ASPRV1: variants seen among roughly 807,000 people sequenced by gnomAD.
ASPRV1 encodes aspartic peptidase retroviral like 1, also known as retroviral-like aspartic protease 1.
Under a neutral mutation model 11.0 loss-of-function variants are expected in ASPRV1, and 7 were observed. The observed-to-expected ratio is 0.64, with a 90% confidence interval of 0.36 to 1.20. The LOEUF (loss-of-function observed/expected upper bound fraction) is 1.20. Ranked by LOEUF, ASPRV1 falls within the 50% of genes most tolerant of loss-of-function variation. The probability of loss-of-function intolerance (pLI) is 0.02; values close to 1 mark genes in which losing one functional copy is unlikely to be tolerated. For synonymous variants in ASPRV1, 136 were observed against 138.4 expected (o/e 0.98, Z 0.12); for missense variants, 299 against 320.0 (o/e 0.93, Z 0.50).
At chr2:69,947,872 A>T in the ASPRV1 span, among the ~76,000 whole-genome samples, 17 of 152,242 alleles carry the variant, frequency 1.1e-4, no homozygotes, top group African/African-American at 3.9e-4. Flanking sequence ...TCCTTTGGGG[A>T]TATCCGCAGA....
At chr2:70,027,259 C>CAAAAAAA in the ASPRV1 span, among the ~76,000 whole-genome samples, 1 of 49,674 alleles carries the variant, frequency 2.0e-5, no homozygotes, top group Non-Finnish European at 4.2e-5. Context: ...CCCTGTCTCT[C>CAAAAAAA]AAAAAAAAAA....
At chr2:69,954,127 C>A in the ASPRV1 span, among the ~76,000 whole-genome samples, 1 of 152,208 alleles carries the variant, frequency 6.6e-6, no homozygotes, top group African/African-American at 2.4e-5. Flanking sequence ...GCCATCAAGT[C>A]ACTTCCCTGC....
the ASPRV1 span, among the ~76,000 whole-genome samples, chr2:70,079,151 A>G: frequency 6.6e-6 from 1 of 152,200 alleles, no homozygotes; most frequent in Admixed American, 6.5e-5. Flanking sequence ...ACTATTAGAC[A>G]CCCAAGTGGA....
chr2:70,073,662 C>T, the ASPRV1 span, among the ~76,000 whole-genome samples: 1 of 152,066 alleles, frequency 6.6e-6, no homozygotes, highest in Non-Finnish European at 1.5e-5. Flanking sequence ...CCTAAATGTG[C>T]GGCTTGTTTT....
the ASPRV1 span, among the ~76,000 whole-genome samples, chr2:69,934,401 G>A: frequency 6.6e-6 from 1 of 152,186 alleles, no homozygotes; most frequent in Non-Finnish European, 1.5e-5. Flanking sequence ...CTCAGTTGGA[G>A]CAACTCTCGT....
rs753560136 is a variant in ASPRV1, at chr2:69,961,543, G to A, written c.-107C>T. The stretch of plus-strand genomic sequence containing the variant: ...GGAAAACGGGGCCTCTCGAAGCAGA[G>A]TGGGGATGACTTGCCCGGCCTTGGG... On this transcript the variant is annotated 5_prime_UTR_variant, in exon 1 of 1. Transcript: ENST00000320256. 4.1e-5 allele frequency: 66 copies of A among 1,614,010 alleles called. No homozygotes were observed. In the South Asian group the frequency reaches 7.0e-4, roughly 17 times the overall value.
chr2:70,041,100 G>A, the ASPRV1 span, among the ~76,000 whole-genome samples: 63 of 152,280 alleles, frequency 4.1e-4, no homozygotes, highest in Admixed American at 2.0e-3. Context: ...ACATACCTAA[G>A]GACATGGTCC....
chr2:70,033,961 T>G, the ASPRV1 span, among the ~76,000 whole-genome samples: 2 of 151,640 alleles, frequency 1.3e-5, no homozygotes, highest in East Asian at 3.9e-4. Context: ...AAGACCATCC[T>G]GGCTAACACG....
At chr2:70,051,154 CCTA>C in the ASPRV1 span, 1 of 151,962 alleles carries the variant, frequency 6.6e-6, no homozygotes, top group East Asian at 1.9e-4. Flanking sequence ...TATCATTATC[CCTA>C]CTTAACCGAG....
chr2:70,015,581 C>T, the ASPRV1 span: 13 of 152,182 alleles, frequency 8.5e-5, no homozygotes, highest in Middle Eastern at 3.2e-3. Context: ...CAAGGGACAA[C>T]TGTAAATACA....
chr2:70,051,550 T>C, the ASPRV1 span, among the ~76,000 whole-genome samples: 146 of 152,240 alleles, frequency 9.6e-4, no homozygotes, highest in African/African-American at 3.2e-3. Context: ...CTCACAATAA[T>C]CAAAATATTG....
At chr2:70,081,622 T>C in the ASPRV1 span, 3 of 152,270 alleles carry the variant, frequency 2.0e-5, no homozygotes, top group Non-Finnish European at 4.4e-5. Flanking sequence ...CTCACTCTGT[T>C]GTCCGGACTG....
At chr2:70,001,527 G>A in the ASPRV1 span, among the ~76,000 whole-genome samples, 9 of 152,268 alleles carry the variant, frequency 5.9e-5, no homozygotes, top group Non-Finnish European at 1.0e-4. Flanking sequence ...TGAGGCCGAG[G>A]CAGGTGGGTC....
chr2:69,979,310 G>C, the ASPRV1 span, among the ~76,000 whole-genome samples: 1 of 152,214 alleles, frequency 6.6e-6, no homozygotes, highest in Non-Finnish European at 1.5e-5. Flanking sequence ...TGGGATTATA[G>C]GTGTGAGCCA....
chr2:70,059,044 C>T, the ASPRV1 span, among the ~76,000 whole-genome samples: 835 of 151,576 alleles, frequency 5.5e-3, 7 homozygotes, highest in Middle Eastern at 0.021. Flanking sequence ...CCCGCCACTA[C>T]GCCCGGCTAA....
chr2:69,958,614 C>G (rs959663051), downstream of ASPRV1, among the ~76,000 whole-genome samples: 1 of 151,976 alleles, frequency 6.6e-6, no homozygotes, highest in Non-Finnish European at 1.5e-5. Flanking sequence ...CTACCCAGCA[C>G]GTGGCTGGGA....
At chr2:69,952,253 G>T in the ASPRV1 span, among the ~76,000 whole-genome samples, 1 of 152,284 alleles carries the variant, frequency 6.6e-6, no homozygotes, top group East Asian at 1.9e-4. Flanking sequence ...TGCCTGGCCG[G>T]GTGCAGTGGC....
chr2:69,970,147 C>T, the ASPRV1 span, among the ~76,000 whole-genome samples: 110 of 152,200 alleles, frequency 7.2e-4, no homozygotes, highest in African/African-American at 2.2e-3. Flanking sequence ...ACTGCTGGGT[C>T]GCCAGTGCCC....
chr2:69,982,045 AT>A, the ASPRV1 span, among the ~76,000 whole-genome samples: 1 of 43,672 alleles, frequency 2.3e-5, no homozygotes. Flanking sequence ...CTATCCATCC[AT>A]CCATCCATCC....
Sources: allele counts gnomAD v4.1 joint callset (sites outside exome capture counted in the v4.1 genomes callset), GRCh38; gene constraint gnomAD v4.1.1; transcripts MANE v1.5; gene names NCBI Gene and HGNC (gene_info 2026-07-23, HGNC 2026-07-21).